Variants in MAEA observed in about 807,000 individuals in gnomAD.
The protein encoded by MAEA is E3 ubiquitin-protein transferase MAEA.
Under a neutral mutation model 46.2 loss-of-function variants are expected in MAEA, and 22 were observed. The observed-to-expected ratio is 0.48, with a 90% CI of 0.34 to 0.68. The LOEUF (loss-of-function observed/expected upper bound fraction) is 0.68, where lower values mean the gene tolerates loss of function less well. Ranked by LOEUF, MAEA falls within the 30% of genes least tolerant of loss-of-function variation. The pLI, the probability that MAEA is intolerant of heterozygous loss-of-function variation, is 0.01. For synonymous variants in MAEA, 246 were observed against 222.6 expected, an observed-to-expected ratio of 1.11 and a Z score of -0.94; for missense variants, 393 against 558.1, an observed-to-expected ratio of 0.70 and a Z score of 2.98.
chr4:1,313,482 G>A (rs1736765107), intron 2 of MAEA, among the ~76,000 whole-genome samples: 1 of 152,148 alleles, frequency 6.6e-6, no homozygotes, highest in Admixed American at 6.5e-5. Flanking sequence ...GGAAAGCACT[G>A]TGGAAAGCTG....
At chr4:1,317,292 C>T (rs1305693686) in intron 3 of MAEA, among the ~76,000 whole-genome samples, 2 of 143,596 alleles carry the variant, frequency 1.4e-5, no homozygotes, top group East Asian at 4.1e-4. Flanking sequence ...CACCTGCAGG[C>T]CCACCCGGCC....
intron 1 of MAEA, among the ~76,000 whole-genome samples, chr4:1,307,195 C>G (rs1399554620): frequency 6.6e-6 from 1 of 152,138 alleles, no homozygotes; most frequent in Admixed American, 6.5e-5. Context: ...ATACAGCAAC[C>G]ACTTTATCCA....
At chr4:1,294,998 C>T (rs1256951137) in intron 1 of MAEA, among the ~76,000 whole-genome samples, 2 of 152,076 alleles carry the variant, frequency 1.3e-5, no homozygotes, top group Non-Finnish European at 2.9e-5. Flanking sequence ...TGGGGGTGTC[C>T]CAGAGCTGTG....
chr4:1,323,926 T>A (rs1301445690), intron 4 of MAEA, among the ~76,000 whole-genome samples: 1 of 152,086 alleles, frequency 6.6e-6, no homozygotes, highest in African/African-American at 2.4e-5. Flanking sequence ...TGAGATTGGA[T>A]GCCTGGTGGA....
intron 1 of MAEA, among the ~76,000 whole-genome samples, chr4:1,300,800 C>A (rs779073719): frequency 1.3e-5 from 2 of 152,264 alleles, no homozygotes; most frequent in Non-Finnish European, 1.5e-5. Context: ...GGCGCAACAT[C>A]AATCTGGTTA....
intron 1 of MAEA, among the ~76,000 whole-genome samples, chr4:1,300,905 G>A (rs1261613025): frequency 6.6e-6 from 1 of 152,202 alleles, no homozygotes; most frequent in Non-Finnish European, 1.5e-5. Context: ...CTCAGGGTAT[G>A]TGCTGTGCTT....
chr4:1,339,053 A>G (rs1197401553), intron 8 of MAEA, 21 bp from the exon 9 acceptor site: 4 of 1,590,044 alleles, frequency 2.5e-6, no homozygotes, highest in East Asian at 4.5e-5. Flanking sequence ...GCCTTAATGC[A>G]TTCCCGGTTT....
chr4:1,303,411 A>AAAAAAG lies in MAEA; in HGVS notation c.70-8568_70-8567insAAAAAG, dbSNP rs61693349. Among the ~76,000 whole-genome samples, 12 of 151,096 alleles carry AAAAAAG rather than the reference A, an allele frequency of 7.9e-5. 1 individual carries two copies. Among genetic ancestry groups the AAAAAAG allele is most frequent in the Non-Finnish European group, 1.6e-4 (11 of 67,770 alleles). ...TGAGACTCTGTCTCAAAAAAAAAAA[A>AAAAAAG]GAATGTCATGTCCTTCTCGATAGCA... On this transcript the variant is annotated intron_variant, in intron 1 of 8. Coordinates refer to ENST00000303400, the MANE Select transcript of MAEA (RefSeq NM_001017405.3).
At chr4:1,301,659 T>A (rs1162570457) in intron 1 of MAEA, among the ~76,000 whole-genome samples, 1 of 152,164 alleles carries the variant, frequency 6.6e-6, no homozygotes, top group Admixed American at 6.5e-5. Flanking sequence ...CATGATTGTG[T>A]CCCTGCACTC....
At chr4:1,309,772 G>A (rs1403529115) in intron 1 of MAEA, 5 of 1,464,066 alleles carry the variant, frequency 3.4e-6, no homozygotes, top group South Asian at 1.3e-5. Context: ...CGCGTTCTGG[G>A]CAGGGCCTTT....
intron 1 of MAEA, among the ~76,000 whole-genome samples, chr4:1,293,013 C>T (rs1419087716): frequency 6.6e-6 from 1 of 151,576 alleles, no homozygotes; most frequent in Non-Finnish European, 1.5e-5. Flanking sequence ...CCTACCTCAG[C>T]CTCCCGAGTA....
chr4:1,328,955 G>C, intron 5 of MAEA: 3 of 992,016 alleles, frequency 3.0e-6, no homozygotes, highest in Non-Finnish European at 3.6e-6. Context: ...ACACGGCCAG[G>C]GGCCCCCTGT....
chr4:1,332,613 A>G (rs1196057935), intron 5 of MAEA, 144 bp from the exon 6 acceptor site: 1 of 592,680 alleles, frequency 1.7e-6, no homozygotes, highest in Non-Finnish European at 3.0e-6. Context: ...GCTTCTCGGG[A>G]AGATCGCCTG....
chr4:1,309,463 C>T (rs1736195068), intron 1 of MAEA: 2 of 1,312,636 alleles, frequency 1.5e-6, no homozygotes, highest in South Asian at 4.5e-5. Context: ...CTCTGGGGGG[C>T]GTGGATGTGG....
chr4:1,328,811 T>C (rs1364823343), intron 5 of MAEA: 1 of 1,072,314 alleles, frequency 9.3e-7, no homozygotes, highest in Non-Finnish European at 1.1e-6. Context: ...CCTGGGCGCA[T>C]GGTGGCAGGT....
chr4:1,299,900 G>C (rs1735150516), intron 1 of MAEA: 1 of 152,132 alleles, frequency 6.6e-6, no homozygotes. Context: ...TATTTTGCTT[G>C]TTTCTGACCA....
chr4:1,333,475 C>T (rs571087782), intron 6 of MAEA, among the ~76,000 whole-genome samples: 89 of 152,256 alleles, frequency 5.8e-4, no homozygotes, highest in Non-Finnish European at 1.0e-3. Flanking sequence ...TAGGCTGCAC[C>T]GTCTTCCGTG....
At chr4:1,337,161 T>C in intron 7 of MAEA, 167 bp downstream of exon 7, 1 of 774,762 alleles carries the variant, frequency 1.3e-6, no homozygotes. Flanking sequence ...GGTGGGGCCG[T>C]GTTGAGGGGC....
At chr4:1,312,422 GATTT>G in intron 2 of MAEA, 1 of 225,104 alleles carries the variant, frequency 4.4e-6, no homozygotes, top group Non-Finnish European at 7.2e-6. Flanking sequence ...CAGGTTGATT[GATTT>G]TTTTTTTTTT....
Sources: allele counts gnomAD v4.1 joint callset (sites outside exome capture counted in the v4.1 genomes callset), GRCh38; gene constraint gnomAD v4.1.1; transcripts MANE v1.5; gene names NCBI Gene and HGNC (gene_info 2026-07-23, HGNC 2026-07-21).